DDX52: variants seen among roughly 807,000 people sequenced by gnomAD.
The protein encoded by DDX52 is probable ATP-dependent RNA helicase DDX52.
DDX52 carries 59 observed loss-of-function variants against 76.1 expected under a neutral mutation model. That is an observed-to-expected ratio of 0.78 (90% confidence interval 0.63 to 0.96). The LOEUF (loss-of-function observed/expected upper bound fraction) is 0.96. DDX52 is among the 40% of genes least tolerant of loss of function. DDX52 has a pLI of 0.00. For synonymous variants in DDX52, 231 were observed against 244.1 expected, an observed-to-expected ratio of 0.95 and a Z score of 0.50; for missense variants, 707 against 703.9, an observed-to-expected ratio of 1.00 and a Z score of -0.05.
intron 2 of DDX52, among the ~76,000 whole-genome samples, chr17:37,636,300 T>C (rs1411638645): frequency 2.6e-5 from 4 of 152,178 alleles, no homozygotes; most frequent in African/African-American, 4.8e-5. Flanking sequence ...TTCACTTTTT[T>C]CCCCATGGAT....
intron 2 of DDX52, among the ~76,000 whole-genome samples, chr17:37,639,992 C>T (rs2147370345): frequency 6.6e-6 from 1 of 152,278 alleles, no homozygotes; most frequent in South Asian, 2.1e-4. Flanking sequence ...ACTAAATGCC[C>T]ACACAGTAAC....
At position 37,632,221 on chromosome 17, in the gene DDX52, T is replaced by C; in HGVS notation, c.495A>G (p.Gln165=). The C allele has an allele frequency of 1.9e-6, 3 of 1,614,034 alleles. No individual in the cohort carries two copies. The highest frequency in any genetic ancestry group is 2.5e-6 in the Non-Finnish European group (3 of 1,179,982). The change falls in exon 4 of 15, where the codon CAA becomes CAG. Residue 165 remains glutamine, a synonymous_variant. Transcript: ENST00000617633. ...DLPDPIATFQ[Q]LDQEYKINSR... ...AATTGATTTTATATTCCTGGTCAAG[T>C]TGCTGAAATGTAGCAATTGGGTCAG...
At chr17:37,628,972 C>T (rs2030533349) in intron 5 of DDX52, among the ~76,000 whole-genome samples, 1 of 152,154 alleles carries the variant, frequency 6.6e-6, no homozygotes, top group Non-Finnish European at 1.5e-5. Flanking sequence ...AATCCCAGCG[C>T]TTTGGGAGGC....
At position 37,625,892 on chromosome 17, in the gene DDX52, T is replaced by C. The variant is rs1335752089; in HGVS notation, c.1136+3A>G. 3 of 1,613,878 alleles carry C rather than the reference T, an allele frequency of 1.9e-6. No homozygotes were observed. Among genetic ancestry groups the C allele is most frequent in the Non-Finnish European group, 2.5e-6 (3 of 1,179,900 alleles). ...GTGATAATGTTGAGAAACAATTAAA[T>C]ACCTTGCTCCAATGGACACACTGAT... On this transcript the variant is annotated splice_donor_region_variant and intron_variant, in intron 8 of 14. Coordinates refer to ENST00000617633, the MANE Select transcript of DDX52 (RefSeq NM_007010.5).
intron 1 of DDX52, 34 bp downstream of exon 1, chr17:37,643,300 A>G (rs1361059090): frequency 1.3e-6 from 2 of 1,594,912 alleles, no homozygotes; most frequent in African/African-American, 1.3e-5. Flanking sequence ...GCTCCTTCTC[A>G]GTTACTCGGC....
chr17:37,634,496 T>C (rs1344360105), intron 2 of DDX52, among the ~76,000 whole-genome samples: 1 of 151,518 alleles, frequency 6.6e-6, no homozygotes, highest in East Asian at 2.1e-4. Context: ...CCAGGCATGA[T>C]GGCAGGTGCC....
In DDX52 at chr17:37,610,473, A is replaced by C. The variant is rs904013333; in HGVS notation, c.*3823T>G. 1 of 151,962 alleles carries C rather than the reference A, an allele frequency of 6.6e-6. No homozygotes were observed. Among genetic ancestry groups the C allele is most frequent in the African/African-American group, 2.4e-5 (1 of 41,376 alleles). 9.4% of individuals were successfully genotyped at this position (151,962 alleles called of 1,614,324 possible). On this transcript the variant is annotated 3_prime_UTR_variant, in exon 15 of 15. Transcript: ENST00000617633. ...TCAAACTACTGTCTGGAAGTAAAACATGAAAGTTGAGTAATTTTCTCAAGC... is the reference window on the plus strand; with the variant it reads ...TCAAACTACTGTCTGGAAGTAAAACCTGAAAGTTGAGTAATTTTCTCAAGC...
chr17:37,614,601 C>T (rs550393055), intron 14 of DDX52, among the ~76,000 whole-genome samples: 1 of 152,328 alleles, frequency 6.6e-6, no homozygotes, highest in South Asian at 2.1e-4. Context: ...GGATCCTGAC[C>T]TAATGAGTTC....
chr17:37,637,289 G>A (rs1220567807), intron 2 of DDX52, among the ~76,000 whole-genome samples: 2 of 151,754 alleles, frequency 1.3e-5, no homozygotes, highest in African/African-American at 4.8e-5. Flanking sequence ...GCGCCACCAC[G>A]TCCGGCTAAT....
In DDX52 at chr17:37,611,788, C is replaced by T. The variant is rs1159098524; in HGVS notation, c.*2508G>A. The T allele has an allele frequency of 6.7e-6, 1 of 149,084 alleles. No homozygotes were observed. Among genetic ancestry groups the T allele is most frequent in the East Asian group, 1.9e-4 (1 of 5,142 alleles). The allele number at this position is 149,084 out of a possible 1,614,324, so 9.2% of individuals were successfully genotyped here. ...AACCCAACTGGACAACAAGCAAGACCTCGTCTCTACAAAATTTAAAAATTA... is the reference window on the plus strand; with the variant it reads ...AACCCAACTGGACAACAAGCAAGACTTCGTCTCTACAAAATTTAAAAATTA... On this transcript the variant is annotated 3_prime_UTR_variant, in exon 15 of 15. Transcript: ENST00000617633.
chr17:37,632,309 A>T lies in DDX52; in HGVS notation c.418-11T>A. Reference sequence around the variant, plus strand: ...CCGCAAGAAGTTTATCTGAAAAGTGAAGTAAAGAGGCCACCATGGATATGG... The same window carrying T: ...CCGCAAGAAGTTTATCTGAAAAGTGTAGTAAAGAGGCCACCATGGATATGG... On this transcript the variant is annotated splice_polypyrimidine_tract_variant and intron_variant, in intron 3 of 14. Transcript: ENST00000617633. 6.2e-7 allele frequency: 1 copy of T among 1,614,016 alleles called. No homozygotes were observed. The highest frequency in any genetic ancestry group is 1.6e-4 in the Middle Eastern group (1 of 6,062).
intron 2 of DDX52, chr17:37,635,593 TTCA>T (rs2030887288): frequency 2.2e-6 from 1 of 455,874 alleles, no homozygotes; most frequent in African/African-American, 2.0e-5. Context: ...GGATGTACAG[TTCA>T]TCATTCACCT....
chr17:37,637,865 C>T (rs554121699), intron 2 of DDX52, among the ~76,000 whole-genome samples: 13 of 152,316 alleles, frequency 8.5e-5, no homozygotes, highest in Admixed American at 5.2e-4. Flanking sequence ...TGAGCCACCA[C>T]GCCCAGCCTT....
chr17:37,625,831 CTTTAAAAAAGACTTGTA>C, intron 8 of DDX52, 47 bp downstream of exon 8: 1 of 1,587,718 alleles, frequency 6.3e-7, no homozygotes, highest in Non-Finnish European at 8.6e-7. Flanking sequence ...CTCCTTCAGT[CTTTAAAAAAGACTTGTA>C]TTTAAAAAAA....
chr17:37,621,047 G>A (rs2030057585), intron 11 of DDX52, 80 bp downstream of exon 11: 10 of 1,554,428 alleles, frequency 6.4e-6, no homozygotes, highest in Non-Finnish European at 8.7e-6. Flanking sequence ...ACTAAGAAGT[G>A]AGCATATGTG....
rs772929988 is a variant in DDX52, at chr17:37,618,329, T to C, written c.1705A>G (p.Thr569Ala). ...KPLERESIST[T>A]PKCFLEKAKD... Reference sequence around the variant, plus strand: ...GCTTTTTCTAAGAAACATTTTGGAGTTGTACTAATGCTCTCCCTTTCCAAT... The same window carrying C: ...GCTTTTTCTAAGAAACATTTTGGAGCTGTACTAATGCTCTCCCTTTCCAAT... Residue 569 changes from threonine (T) to alanine (A), a missense_variant, in exon 14 of 15, where the codon ACT becomes GCT. Physicochemically the swap from Thr to Ala is moderately conservative, Grantham distance 58. Coordinates refer to ENST00000617633, the MANE Select transcript of DDX52 (RefSeq NM_007010.5). The C allele has an allele frequency of 1.8e-5, 29 of 1,597,208 alleles. No homozygotes were observed. The Middle Eastern group carries it at 5.0e-4, about 27-fold the overall frequency.
chr17:37,624,224 T>A, intron 9 of DDX52, 120 bp downstream of exon 9: 1 of 606,406 alleles, frequency 1.6e-6, no homozygotes, highest in Non-Finnish European at 2.8e-6. Context: ...AATTTACCAA[T>A]GGATTACTGA....
intron 2 of DDX52, among the ~76,000 whole-genome samples, chr17:37,640,745 T>C (rs1424896889): frequency 2.7e-5 from 4 of 148,770 alleles, no homozygotes; most frequent in Non-Finnish European, 5.9e-5. Context: ...CCCAGCACTT[T>C]GGGAGGTCGA....
rs2029994887 is a variant in DDX52 at position 37,619,907 on chromosome 17, CT to C, written c.1578-69del. 3.4e-6 allele frequency: 5 copies of C among 1,489,852 alleles called. No homozygotes were observed. In the African/African-American group the frequency reaches 5.6e-5, roughly 17 times the overall value. The allele number at this position is 1,489,852 out of a possible 1,614,324, so 92.3% of individuals were successfully genotyped here. ...ATTGATGTTTATGAATGTAAACCCTCTGCACAACCTTACAGGGAACTAAAAC... is the reference window on the plus strand; with the variant it reads ...ATTGATGTTTATGAATGTAAACCCTCGCACAACCTTACAGGGAACTAAAAC... On this transcript the variant is annotated intron_variant, in intron 12 of 14. Coordinates refer to ENST00000617633, the MANE Select transcript of DDX52 (RefSeq NM_007010.5).
Sources: allele counts gnomAD v4.1 joint callset (sites outside exome capture counted in the v4.1 genomes callset), GRCh38; gene constraint gnomAD v4.1.1; transcripts MANE v1.5; gene names NCBI Gene and HGNC (gene_info 2026-07-23, HGNC 2026-07-21).